Variants in STK3 observed in about 807,000 individuals in gnomAD.
The protein encoded by STK3 is serine/threonine kinase 3, also known as serine/threonine-protein kinase 3.
A neutral mutation model predicts 58.0 loss-of-function variants in STK3; 41 were observed. The ratio of observed to expected loss-of-function variants is 0.71; its 90% CI spans 0.55 to 0.92. STK3 has a LOEUF of 0.92. Among genes scored for constraint, STK3 ranks in the 40% least tolerant of loss-of-function variants. The probability of loss-of-function intolerance (pLI) is 0.00; values close to 1 mark genes in which losing one functional copy is unlikely to be tolerated. For synonymous variants in STK3, 170 were observed against 191.0 expected (o/e 0.89, Z 0.91); for missense variants, 479 against 602.7 (o/e 0.79, Z 2.15).
intron 4 of STK3, among the ~76,000 whole-genome samples, chr8:98,728,897 T>C (rs1194886250): frequency 6.6e-6 from 1 of 152,160 alleles, no homozygotes; most frequent in East Asian, 1.9e-4. Context: ...TAATGCAAAC[T>C]TGATATGCCC....
intron 9 of STK3, among the ~76,000 whole-genome samples, chr8:98,528,899 T>C (rs573578888): frequency 6.6e-6 from 1 of 152,344 alleles, no homozygotes; most frequent in Non-Finnish European, 1.5e-5. Flanking sequence ...TAATGGCTCC[T>C]GTCTTGGCTG....
rs181559468 is a variant in STK3, at chr8:98,654,327, C to T, written c.684+52140G>A. 3.2e-3 allele frequency among the ~76,000 whole-genome samples: 480 copies of T among 152,230 alleles called. 5 individuals carry two copies. Among genetic ancestry groups the T allele is most frequent in the African/African-American group, 2.7e-3 (113 of 41,534 alleles). ...CTCAATAAGTTAGGTATTGATGGGA[C>T]GTATGTCAAAATAATAAGAGCTATC... On this transcript the variant is annotated intron_variant, in intron 6 of 10. Transcript: ENST00000419617.
intron 1 of STK3, among the ~76,000 whole-genome samples, chr8:98,886,570 C>T (rs1837997831): frequency 6.6e-6 from 1 of 152,096 alleles, no homozygotes; most frequent in African/African-American, 2.4e-5. Context: ...AGTGGTTGCC[C>T]TGGGAGTAAA....
chr8:98,526,168 GAAGT>G (rs894096419), intron 10 of STK3, among the ~76,000 whole-genome samples: 38 of 151,992 alleles, frequency 2.5e-4, no homozygotes, highest in African/African-American at 7.7e-4. Context: ...TTCTTTAAAA[GAAGT>G]AAGAAGAACC....
At chr8:98,799,569 A>G (rs1015149063) in intron 1 of STK3, among the ~76,000 whole-genome samples, 2 of 152,134 alleles carry the variant, frequency 1.3e-5, no homozygotes, top group African/African-American at 2.4e-5. Flanking sequence ...TGGAATGTCT[A>G]CCTATATCTG....
Position 98,821,244 on chromosome 8 carries a change from A to G in STK3, c.26+4271T>C, listed in dbSNP as rs143516547. 2.0e-5 allele frequency among the ~76,000 whole-genome samples: 3 copies of G among 152,232 alleles called. No homozygotes were observed. The East Asian group carries it at 5.8e-4, about 29-fold the overall frequency. ...GAGTGCGAACCCTATTGTGCTGTGC[A>G]TGCAAGGAATCTAGGTTGCACGCTC... On this transcript the variant is annotated intron_variant, in intron 1 of 10. Transcript: ENST00000419617.
intron 7 of STK3, among the ~76,000 whole-genome samples, chr8:98,585,694 C>T (rs1050159609): frequency 1.3e-5 from 2 of 151,808 alleles, no homozygotes; most frequent in African/African-American, 2.4e-5. Flanking sequence ...GGCAGTATGG[C>T]CTTTTTCACG....
At chr8:98,528,204 A>AT (rs1825890582) in intron 9 of STK3, among the ~76,000 whole-genome samples, 2 of 152,288 alleles carry the variant, frequency 1.3e-5, no homozygotes, top group African/African-American at 4.8e-5. Context: ...CACAGTTTTG[A>AT]TTTTAATTTC....
At chr8:98,469,038 G>A (rs1820701930) in intron 10 of STK3, among the ~76,000 whole-genome samples, 1 of 152,112 alleles carries the variant, frequency 6.6e-6, no homozygotes, top group Non-Finnish European at 1.5e-5. Flanking sequence ...GAACCTGGGA[G>A]GCGGGGGTTG....
At chr8:98,812,358 G>A (rs531999220) in intron 1 of STK3, among the ~76,000 whole-genome samples, 64 of 152,288 alleles carry the variant, frequency 4.2e-4, no homozygotes, top group African/African-American at 1.4e-3. Flanking sequence ...ACACCAGTTT[G>A]AATGGCAATC....
intron 1 of STK3, among the ~76,000 whole-genome samples, chr8:98,825,112 T>G (rs891558957): frequency 6.6e-6 from 1 of 152,212 alleles, no homozygotes. Context: ...TAATTTAAAC[T>G]TCCCACTGTC....
intron 1 of STK3, among the ~76,000 whole-genome samples, chr8:98,791,369 C>T (rs1409813457): frequency 1.3e-5 from 2 of 152,166 alleles, no homozygotes; most frequent in Non-Finnish European, 2.9e-5. Context: ...TGGGTAGAAT[C>T]AATATTGTGA....
At chr8:98,558,321 CT>C (rs369522196) in intron 8 of STK3, among the ~76,000 whole-genome samples, 28 of 152,124 alleles carry the variant, frequency 1.8e-4, no homozygotes, top group African/African-American at 6.7e-4. Flanking sequence ...CCATCAATAG[CT>C]TTCAGAAATA....
In STK3 at chr8:98,917,231, T is replaced by C. The variant is rs559095455; in HGVS notation, c.-79+25147A>G. On this transcript the variant is annotated intron_variant, in intron 1 of 1. Coordinates refer to the STK3 transcript ENST00000519420. Reference sequence around the variant, plus strand: ...TGACACACAATAGGCACTTAACAAATATTTATATTCATTGATTTCCTACAG... The same window carrying C: ...TGACACACAATAGGCACTTAACAAACATTTATATTCATTGATTTCCTACAG... Among the ~76,000 whole-genome samples the C allele has an allele frequency of 4.6e-5, 7 of 152,352 alleles. No individual in the cohort carries two copies. The East Asian group carries it at 1.3e-3, about 29-fold the overall frequency.
intron 3 of STK3, among the ~76,000 whole-genome samples, chr8:98,757,229 A>T (rs1437975842): frequency 6.6e-6 from 1 of 150,706 alleles, no homozygotes; most frequent in African/African-American, 2.4e-5. Flanking sequence ...CGCCCAGGCT[A>T]GAGTGCATTG....
chr8:98,491,811 T>C (rs1427393633), intron 10 of STK3, among the ~76,000 whole-genome samples: 6 of 152,212 alleles, frequency 3.9e-5, no homozygotes, highest in Admixed American at 3.9e-4. Flanking sequence ...TCTATACTTA[T>C]AATAAAGTAA....
At chr8:98,887,879 G>T (rs1026269055) in intron 1 of STK3, among the ~76,000 whole-genome samples, 4 of 152,176 alleles carry the variant, frequency 2.6e-5, no homozygotes, top group Non-Finnish European at 4.4e-5. Context: ...CACATGGCTC[G>T]AGGCATTCGC....
intron 10 of STK3, among the ~76,000 whole-genome samples, chr8:98,490,003 C>T (rs898242479): frequency 6.6e-6 from 1 of 152,112 alleles, no homozygotes; most frequent in African/African-American, 2.4e-5. Flanking sequence ...TAACTCTCCC[C>T]ATTATTCCCA....
chr8:98,756,292 G>A (rs1296387782), intron 3 of STK3, among the ~76,000 whole-genome samples: 1 of 152,210 alleles, frequency 6.6e-6, no homozygotes, highest in Non-Finnish European at 1.5e-5. Context: ...TTAACGAGAA[G>A]TTAGCCAGAT....
Sources: allele counts gnomAD v4.1 joint callset (sites outside exome capture counted in the v4.1 genomes callset), GRCh38; gene constraint gnomAD v4.1.1; transcripts MANE v1.5; gene names NCBI Gene and HGNC (gene_info 2026-07-23, HGNC 2026-07-21).